HACD2: variants seen among roughly 807,000 people sequenced by gnomAD.
HACD2 encodes the protein very-long-chain (3R)-3-hydroxyacyl-CoA dehydratase 2.
HACD2 carries 15 observed loss-of-function variants against 31.0 expected under a neutral mutation model. The ratio of observed to expected loss-of-function variants is 0.48; its 90% CI spans 0.32 to 0.75. The LOEUF is 0.75. HACD2 is among the 30% of genes least tolerant of loss of function. The probability of loss-of-function intolerance (pLI) is 0.03; values close to 1 mark genes in which losing one functional copy is unlikely to be tolerated. For synonymous variants in HACD2, 115 were observed against 122.2 expected (o/e 0.94, Z 0.39); for missense variants, 283 against 313.0 (o/e 0.90, Z 0.72).
At position 123,525,404 on chromosome 3, in the gene HACD2, C is replaced by A. The variant is rs113943871; in HGVS notation, c.381+2982G>T. On this transcript the variant is annotated intron_variant, in intron 4 of 6. Coordinates refer to ENST00000383657, the MANE Select transcript of HACD2 (RefSeq NM_198402.5). ...GTAGATCCTTACACATAAGAGAAAA[C>A]CATCTGATCACTTTTTAGTTTCACA... 4.2e-3 allele frequency among the ~76,000 whole-genome samples: 639 copies of A among 152,170 alleles called. 3 individuals are homozygous for A. Among genetic ancestry groups the A allele is most frequent in the African/African-American group, 0.015 (606 of 41,508 alleles).
At chr3:123,506,909 C>T (rs1174905635) in intron 4 of HACD2, among the ~76,000 whole-genome samples, 1 of 152,152 alleles carries the variant, frequency 6.6e-6, no homozygotes, top group African/African-American at 2.4e-5. Context: ...TTCTACTCAG[C>T]TGCTTTTTGA....
intron 2 of HACD2, among the ~76,000 whole-genome samples, chr3:123,580,734 G>C (rs965016632): frequency 3.3e-5 from 5 of 150,196 alleles, no homozygotes; most frequent in African/African-American, 9.8e-5. Flanking sequence ...AGTGAGCCAC[G>C]GCCATGATGG....
At chr3:123,576,422 T>C (rs1003977978) in intron 2 of HACD2, among the ~76,000 whole-genome samples, 2 of 152,194 alleles carry the variant, frequency 1.3e-5, no homozygotes, top group African/African-American at 2.4e-5. Context: ...GTGACACTTA[T>C]TAATTTTAAT....
intron 4 of HACD2, among the ~76,000 whole-genome samples, chr3:123,507,057 G>A (rs1261289696): frequency 6.6e-6 from 1 of 152,088 alleles, no homozygotes; most frequent in African/African-American, 2.4e-5. Flanking sequence ...CAGGAGCTGC[G>A]ATCAGCCTGG....
intron 3 of HACD2, among the ~76,000 whole-genome samples, chr3:123,541,914 G>A (rs1019052094): frequency 2.6e-5 from 4 of 151,906 alleles, no homozygotes; most frequent in Non-Finnish European, 2.9e-5. Flanking sequence ...TTGGGAGGCC[G>A]AGGCGGGCGG....
At chr3:123,545,938 T>C (rs2056554796) in intron 3 of HACD2, among the ~76,000 whole-genome samples, 2 of 152,064 alleles carry the variant, frequency 1.3e-5, no homozygotes, top group African/African-American at 4.8e-5. Flanking sequence ...CTCGAACTCC[T>C]GACCTCAAGC....
intron 2 of HACD2, among the ~76,000 whole-genome samples, chr3:123,578,443 T>A (rs965403190): frequency 5.9e-5 from 9 of 152,058 alleles, no homozygotes; most frequent in African/African-American, 2.2e-4. Context: ...GCCAATTTTT[T>A]AATTTTTTGT....
rs1290970092 is a variant in HACD2 at position 123,585,001 on chromosome 3, T to C, written c.27A>G (p.Ala9=). 2 of 1,504,862 alleles carry C rather than the reference T, an allele frequency of 1.3e-6. No individual in the cohort carries two copies. The highest frequency in any genetic ancestry group is 2.9e-5 in the African/African-American group (2 of 69,302). The allele number at this position is 1,504,862 out of a possible 1,614,324, so 93.2% of individuals were successfully genotyped here. A position where few individuals can be genotyped will look rare whatever the true frequency, so the allele number is the denominator to read the frequency against. The change falls in exon 1 of 7, where the codon GCA becomes GCG. Residue 9 remains alanine, a synonymous_variant. Transcript: ENST00000383657. The part of the protein sequence containing the change: MAAVAATA[A]AKGNGGGGGR... ...CACCGCCGCCCCCATTCCCCTTCGC[T>C]GCTGCAGTCGCCGCCACTGCCGCCA...
intron 3 of HACD2, among the ~76,000 whole-genome samples, chr3:123,556,048 T>C (rs781027829): frequency 6.6e-6 from 1 of 152,072 alleles, no homozygotes; most frequent in Non-Finnish European, 1.5e-5. Flanking sequence ...TTCACAAAAA[T>C]TAACTCAAAA....
rs554028181 is a variant in HACD2, at chr3:123,563,581, C to G, written c.292+4181G>C. ...TCAAGTCCTGGGCTAGGGCTTAGTG[C>G]TGTGTGAACTTTGGCAAGACATGAT... is the stretch of plus-strand genomic sequence containing the variant. On this transcript the variant is annotated intron_variant, in intron 3 of 6. Transcript: ENST00000383657. Among the ~76,000 whole-genome samples, 125 of 151,988 alleles carry G rather than the reference C, an allele frequency of 8.2e-4. No individual in the cohort carries two copies. In the Middle Eastern group the frequency reaches 0.017, roughly 21 times the overall value.
chr3:123,566,330 G>T (rs993432519), intron 3 of HACD2, among the ~76,000 whole-genome samples: 1 of 151,830 alleles, frequency 6.6e-6, no homozygotes, highest in Non-Finnish European at 1.5e-5. Context: ...CGTTTCCCAG[G>T]CTAAAATGCA....
chr3:123,529,790 T>C (rs1469122936), intron 3 of HACD2, among the ~76,000 whole-genome samples: 3 of 152,118 alleles, frequency 2.0e-5, no homozygotes, highest in Non-Finnish European at 4.4e-5. Flanking sequence ...TAAAACCTGG[T>C]TATATAATTG....
chr3:123,543,686 A>G, intron 3 of HACD2: 1 of 424,394 alleles, frequency 2.4e-6, no homozygotes, highest in Non-Finnish European at 4.7e-6. Context: ...TCAGAATCCA[A>G]ATGATAGCCA....
intron 3 of HACD2, among the ~76,000 whole-genome samples, chr3:123,532,372 A>G (rs2056373049): frequency 6.6e-6 from 1 of 152,306 alleles, no homozygotes; most frequent in South Asian, 2.1e-4. Context: ...CTCACCTGAC[A>G]GCACAATCTC....
intron 3 of HACD2, among the ~76,000 whole-genome samples, chr3:123,555,905 T>A (rs2056667864): frequency 6.6e-6 from 1 of 152,126 alleles, no homozygotes; most frequent in Non-Finnish European, 1.5e-5. Flanking sequence ...GATCCAGCAA[T>A]AACTGATCTT....
intron 4 of HACD2, among the ~76,000 whole-genome samples, chr3:123,505,846 G>C (rs2055968675): frequency 6.6e-6 from 1 of 152,250 alleles, no homozygotes; most frequent in Non-Finnish European, 1.5e-5. Context: ...CTGGCAGGGA[G>C]TAAAATGCTG....
chr3:123,543,415 A>T (rs2107722571), intron 3 of HACD2, among the ~76,000 whole-genome samples: 1 of 149,580 alleles, frequency 6.7e-6, no homozygotes, highest in East Asian at 1.9e-4. Flanking sequence ...ATCAAGGGAA[A>T]GAATCAAAGT....
At chr3:123,553,744 G>A (rs966651633) in intron 3 of HACD2, among the ~76,000 whole-genome samples, 2 of 152,180 alleles carry the variant, frequency 1.3e-5, no homozygotes, top group African/African-American at 4.8e-5. Context: ...GGGACATGGA[G>A]AACTGATGCA....
At chr3:123,582,375 A>C in intron 1 of HACD2, 46 bp from the exon 2 acceptor site, 1 of 1,369,904 alleles carries the variant, frequency 7.3e-7, no homozygotes, top group Non-Finnish European at 1.0e-6. Context: ...AAAATAAAAA[A>C]AGTAGCATTT....
Sources: gnomAD v4.1 joint callset for allele counts (sites outside exome capture counted in the v4.1 genomes callset) on GRCh38, gnomAD v4.1.1 for gene constraint, MANE v1.5 for transcripts, NCBI Gene and HGNC (gene_info 2026-07-23, HGNC 2026-07-21) for gene names.